The following RBFOX1 variants were observed in gnomAD, a reference collection of about 807,000 sequenced individuals.
RBFOX1 encodes RNA binding protein fox-1 homolog 1.
Under a neutral mutation model 57.7 loss-of-function variants are expected in RBFOX1, and 8 were observed. The ratio of observed to expected loss-of-function variants is 0.14; its 90% CI spans 0.08 to 0.25. RBFOX1 has a LOEUF of 0.25. Ranked by LOEUF, RBFOX1 falls within the 10% of genes least tolerant of loss-of-function variation. RBFOX1 has a pLI of 1.00. For missense variants in RBFOX1, 611 were observed against 548.5 expected, an observed-to-expected ratio of 1.11 and a Z score of -1.14; for synonymous variants, 326 against 222.4, an observed-to-expected ratio of 1.47 and a Z score of -4.15.
chr16:7,158,459 C>G (rs569357886), intron 4 of RBFOX1, among the ~76,000 whole-genome samples: 5 of 152,280 alleles, frequency 3.3e-5, no homozygotes, highest in South Asian at 2.1e-4. Flanking sequence ...CTGATGCAAT[C>G]TCCTGACCTT....
At chr16:5,675,122 T>C (rs2050126203) in intron 3 of RBFOX1, among the ~76,000 whole-genome samples, 1 of 152,128 alleles carries the variant, frequency 6.6e-6, no homozygotes, top group Non-Finnish European at 1.5e-5. Context: ...CTCTCCAGCC[T>C]GGGCAAAAGA....
At chr16:7,406,366 A>G (rs1296744522) in intron 4 of RBFOX1, among the ~76,000 whole-genome samples, 1 of 152,204 alleles carries the variant, frequency 6.6e-6, no homozygotes, top group Non-Finnish European at 1.5e-5. Flanking sequence ...ACCGAGGCCC[A>G]GAGCTCTTGC....
chr16:7,271,936 C>T (rs1411901684), intron 4 of RBFOX1, among the ~76,000 whole-genome samples: 3 of 152,170 alleles, frequency 2.0e-5, no homozygotes, highest in Non-Finnish European at 4.4e-5. Context: ...GAAATATCCC[C>T]TCAGGCTTGC....
intron 3 of RBFOX1, among the ~76,000 whole-genome samples, chr16:5,663,547 G>A (rs2151393818): frequency 6.6e-6 from 1 of 152,240 alleles, no homozygotes; most frequent in South Asian, 2.1e-4. Flanking sequence ...CTTCAGTCAA[G>A]CAGTGACCAG....
chr16:7,177,217 T>A (rs1270499111), intron 4 of RBFOX1, among the ~76,000 whole-genome samples: 1 of 152,144 alleles, frequency 6.6e-6, no homozygotes, highest in Non-Finnish European at 1.5e-5. Context: ...CCGCTTCCAA[T>A]CAAAGGGGAA....
At chr16:5,864,093 C>A (rs1340972752) in intron 3 of RBFOX1, among the ~76,000 whole-genome samples, 1 of 152,126 alleles carries the variant, frequency 6.6e-6, no homozygotes, top group Non-Finnish European at 1.5e-5. Context: ...TGTATTGTTC[C>A]TTTCTATGTG....
chr16:7,172,257 G>C (rs1352389635), intron 4 of RBFOX1, among the ~76,000 whole-genome samples: 2 of 151,852 alleles, frequency 1.3e-5, no homozygotes, highest in African/African-American at 4.8e-5. Flanking sequence ...ACCACCATAG[G>C]GTTTTCAAAC....
intron 2 of RBFOX1, among the ~76,000 whole-genome samples, chr16:6,642,992 A>G (rs1351765925): frequency 2.6e-5 from 4 of 152,188 alleles, no homozygotes; most frequent in East Asian, 1.9e-4. Flanking sequence ...AGTCATCTTC[A>G]TATTTAGGTT....
intron 3 of RBFOX1, among the ~76,000 whole-genome samples, chr16:5,610,976 A>C (rs1184974752): frequency 6.6e-6 from 1 of 151,964 alleles, no homozygotes; most frequent in African/African-American, 2.4e-5. Context: ...TAAAATCCAA[A>C]CTCCTTGACA....
chr16:7,407,067 G>GT (rs2098355699), intron 4 of RBFOX1, among the ~76,000 whole-genome samples: 1 of 152,092 alleles, frequency 6.6e-6, no homozygotes. Flanking sequence ...TGATCTTAAT[G>GT]TTTTTTATTT....
intron 1 of RBFOX1, among the ~76,000 whole-genome samples, chr16:6,103,012 C>G (rs927335520): frequency 6.6e-6 from 1 of 152,162 alleles, no homozygotes; most frequent in Admixed American, 6.5e-5. Flanking sequence ...TAATTGTGAG[C>G]AACCACAGTG....
intron 4 of RBFOX1, among the ~76,000 whole-genome samples, chr16:7,187,355 G>A (rs934548853): frequency 6.6e-6 from 1 of 151,984 alleles, no homozygotes; most frequent in Non-Finnish European, 1.5e-5. Context: ...AAAAAATTGT[G>A]TGAAGTCTTA....
chr16:6,408,883 C>A (rs1379457105), intron 2 of RBFOX1, among the ~76,000 whole-genome samples: 1 of 152,268 alleles, frequency 6.6e-6, no homozygotes, highest in Admixed American at 6.5e-5. Flanking sequence ...TTTCTTGTAG[C>A]TAGCTCTTCA....
At chr16:6,646,267 A>T (rs1407655037) in intron 2 of RBFOX1, among the ~76,000 whole-genome samples, 1 of 152,114 alleles carries the variant, frequency 6.6e-6, no homozygotes, top group African/African-American at 2.4e-5. Flanking sequence ...CATTTTTCCA[A>T]TTTGAGTCCA....
chr16:6,422,067 A>G (rs2093789635), intron 2 of RBFOX1, among the ~76,000 whole-genome samples: 1 of 151,442 alleles, frequency 6.6e-6, no homozygotes, highest in South Asian at 2.1e-4. Flanking sequence ...ATTACAGGTA[A>G]GTACCACCAC....
chr16:7,710,271 G>C, intron 15 of RBFOX1: 3 of 1,110,000 alleles, frequency 2.7e-6, no homozygotes, highest in Non-Finnish European at 2.2e-6. Flanking sequence ...GTGTTGGAGA[G>C]TTGAATTACA....
chr16:6,529,472 T>G (rs1487346851), intron 2 of RBFOX1, among the ~76,000 whole-genome samples: 2 of 151,766 alleles, frequency 1.3e-5, no homozygotes, highest in Non-Finnish European at 2.9e-5. Context: ...AGCAGGAAAA[T>G]CGCTTGAACC....
intron 3 of RBFOX1, among the ~76,000 whole-genome samples, chr16:5,610,937 A>C (rs2047760101): frequency 6.6e-6 from 1 of 152,074 alleles, no homozygotes; most frequent in Admixed American, 6.6e-5. Flanking sequence ...GCATTTTAAC[A>C]CTCAAGTTGT....
chr16:6,606,680 A>T (rs2097934293), intron 2 of RBFOX1, among the ~76,000 whole-genome samples: 1 of 152,108 alleles, frequency 6.6e-6, no homozygotes, highest in African/African-American at 2.4e-5. Flanking sequence ...TCCCTGCAAA[A>T]AACATCTCAT....
Sources: gnomAD v4.1 joint callset for allele counts (sites outside exome capture counted in the v4.1 genomes callset) on GRCh38, gnomAD v4.1.1 for gene constraint, MANE v1.5 for transcripts, NCBI Gene and HGNC (gene_info 2026-07-23, HGNC 2026-07-21) for gene names.